EXTL3: variants seen among roughly 807,000 people sequenced by gnomAD.
EXTL3 encodes exostosin like glycosyltransferase 3.
EXTL3 carries 27 observed loss-of-function variants against 69.3 expected under a neutral mutation model. The observed-to-expected ratio is 0.39, with a 90% CI of 0.29 to 0.54. The LOEUF (loss-of-function observed/expected upper bound fraction) is 0.54. EXTL3 is among the 20% of genes least tolerant of loss of function. EXTL3 has a pLI of 0.69. For synonymous variants in EXTL3, 511 were observed against 499.4 expected, an observed-to-expected ratio of 1.02 and a Z score of -0.31; for missense variants, 1,003 against 1,231.8, an observed-to-expected ratio of 0.81 and a Z score of 2.78.
intron 1 of EXTL3, among the ~76,000 whole-genome samples, chr8:28,638,562 CCCAGTCCTTTTAG>C (rs1253140760): frequency 6.6e-6 from 1 of 152,154 alleles, no homozygotes; most frequent in African/African-American, 2.4e-5. Flanking sequence ...AGTCCTTTTA[CCCAGTCCTTTTAG>C]CAAACACAAG....
chr8:28,754,030 A>ATTCGTGTG lies in EXTL3; in HGVS notation c.*3165_*3166insTCGTGTGT, dbSNP rs1554489480. ...GTTAATTTTTTCATGGGAATTTAAAATGCGTGTGTGTGTGTGTGTGTGTGT... is the reference window on the plus strand; with the variant it reads ...GTTAATTTTTTCATGGGAATTTAAAATTCGTGTGTGCGTGTGTGTGTGTGTGTGTGTGT... On this transcript the variant is annotated 3_prime_UTR_variant, in exon 7 of 7. Coordinates refer to ENST00000220562, the MANE Select transcript of EXTL3 (RefSeq NM_001440.4). The ATTCGTGTG allele has an allele frequency of 1.0e-5, 1 of 96,174 alleles. No individual in the cohort carries two copies. The highest frequency in any genetic ancestry group is 5.6e-5 in the African/African-American group (1 of 18,006). The allele number at this position is 96,174 out of a possible 1,614,324, so 6.0% of individuals were successfully genotyped here.
At chr8:28,727,024 G>A (rs940770470) in intron 3 of EXTL3, among the ~76,000 whole-genome samples, 1 of 151,538 alleles carries the variant, frequency 6.6e-6, no homozygotes, top group Non-Finnish European at 1.5e-5. Flanking sequence ...GATTACAGGT[G>A]CCCTCCCCCA....
chr8:28,668,616 C>T (rs951563912), intron 1 of EXTL3, among the ~76,000 whole-genome samples: 7 of 151,946 alleles, frequency 4.6e-5, no homozygotes, highest in South Asian at 2.1e-4. Flanking sequence ...AGATTACAGG[C>T]GTGAGCCACT....
chr8:28,628,191 G>A (rs1409255358), intron 1 of EXTL3, among the ~76,000 whole-genome samples: 1 of 152,130 alleles, frequency 6.6e-6, no homozygotes, highest in Non-Finnish European at 1.5e-5. Context: ...GTGAAACCCC[G>A]TCTCTGCTAA....
intron 1 of EXTL3, among the ~76,000 whole-genome samples, chr8:28,662,149 T>C (rs1423184639): frequency 1.3e-5 from 2 of 152,160 alleles, no homozygotes; most frequent in East Asian, 3.8e-4. Flanking sequence ...TCATCGTGTT[T>C]GATTCCTGCC....
Position 28,717,816 on chromosome 8 carries a change from C to T in EXTL3, c.1757C>T (p.Ser586Leu), listed in dbSNP as rs1378180657. ...GTGGAGACGGAGCCGCCCTACGCCT[C>T]ACCCAGATACCTCCGCAATTTCACT... ...GPVETEPPYA[S>L]PRYLRNFTLT... is the part of the protein sequence containing the mutation. The change falls in exon 3 of 7, where the codon TCA (serine) becomes TTA (leucine). Residue 586 changes from serine (S) to leucine (L), a missense_variant. Around this residue, in one of 2 missense-constraint regions of EXTL3, gnomAD observed 742 missense variants for 815.4 expected, o/e 0.91. Transcript: ENST00000220562. The surrounding 1 kb of genome is among the most constrained non-coding windows in gnomAD (Gnocchi z 8.3). 1 of 1,611,986 alleles carries T rather than the reference C, an allele frequency of 6.2e-7. No homozygotes were observed. Among genetic ancestry groups the T allele is most frequent in the Admixed American group, 1.7e-5 (1 of 59,972 alleles).
chr8:28,621,672 A>G (rs1806410795), upstream of EXTL3, among the ~76,000 whole-genome samples: 1 of 152,236 alleles, frequency 6.6e-6, no homozygotes, highest in African/African-American at 2.4e-5. Flanking sequence ...GGAAAACTGA[A>G]ATATTGCAAT....
chr8:28,745,150 G>C (rs894158345), intron 6 of EXTL3, among the ~76,000 whole-genome samples: 1 of 152,128 alleles, frequency 6.6e-6, no homozygotes, highest in Non-Finnish European at 1.5e-5. Context: ...TGTGCCATGG[G>C]CGTGTCTGTG....
rs138006878 is a variant in EXTL3 at position 28,724,140 on chromosome 8, T to G, written c.2148+5933T>G. ...AAAATTAAAATAGAGACTGCTAATA[T>G]CATGTTATAATAATTGTTAACAGTT... On this transcript the variant is annotated intron_variant, in intron 3 of 6. Transcript: ENST00000220562. Among the ~76,000 whole-genome samples, 213 of 152,196 alleles carry G rather than the reference T, an allele frequency of 1.4e-3. 2 individuals carry two copies. The highest frequency in any genetic ancestry group is 5.0e-3 in the African/African-American group (208 of 41,508).
chr8:28,677,170 G>A (rs1319931068), intron 1 of EXTL3, among the ~76,000 whole-genome samples: 2 of 152,064 alleles, frequency 1.3e-5, no homozygotes, highest in African/African-American at 2.4e-5. Context: ...AGGGATTAGA[G>A]GAAAAAGAAA....
intron 2 of EXTL3, among the ~76,000 whole-genome samples, chr8:28,616,377 G>A (rs1305526354): frequency 6.6e-6 from 1 of 152,192 alleles, no homozygotes; most frequent in Non-Finnish European, 1.5e-5. Flanking sequence ...TGTAATCCCA[G>A]CACTTTGGGA....
chr8:28,748,580 G>C (rs946417854), intron 6 of EXTL3, among the ~76,000 whole-genome samples: 1 of 152,150 alleles, frequency 6.6e-6, no homozygotes, highest in African/African-American at 2.4e-5. Context: ...CACCATGGGG[G>C]GCTGCTCTCA....
chr8:28,705,795 C>G (rs1800909517), intron 1 of EXTL3, among the ~76,000 whole-genome samples: 2 of 152,216 alleles, frequency 1.3e-5, no homozygotes, highest in African/African-American at 4.8e-5. Flanking sequence ...ATCTGAAGAC[C>G]TTATTTGAAA....
At chr8:28,634,676 A>G (rs1376411920) in intron 1 of EXTL3, among the ~76,000 whole-genome samples, 1 of 149,222 alleles carries the variant, frequency 6.7e-6, no homozygotes, top group East Asian at 2.0e-4. Context: ...GCTCATTGCA[A>G]CCTCCACCCC....
intron 4 of EXTL3, among the ~76,000 whole-genome samples, chr8:28,734,601 A>G (rs976606570): frequency 6.6e-6 from 1 of 152,168 alleles, no homozygotes; most frequent in African/African-American, 2.4e-5. Flanking sequence ...AATCCCAGCT[A>G]CTCAGGAGGC....
intron 1 of EXTL3, among the ~76,000 whole-genome samples, chr8:28,703,631 G>A (rs1800859162): frequency 6.6e-6 from 1 of 152,070 alleles, no homozygotes; most frequent in Admixed American, 6.6e-5. Flanking sequence ...GGAGGAGGGT[G>A]GGAGGGATTC....
chr8:28,718,111 T>C lies in EXTL3; in HGVS notation c.2052T>C (p.Asn684=), dbSNP rs2130742460. ...EVLMNSLERL[N]GLPYLNKVVV... ...TTATGAACTCTTTAGAGAGGCTGAA[T>C]GGCCTCCCTTACCTGAACAAGGTCG... is the stretch of plus-strand genomic sequence containing the variant. Residue 684 remains asparagine (N), a synonymous_variant, in exon 3 of 7, where the codon AAT becomes AAC. Transcript: ENST00000220562. The C allele has an allele frequency of 2.5e-6, 4 of 1,614,118 alleles. No individual in the cohort carries two copies. In the South Asian group the frequency reaches 4.4e-5, roughly 18 times the overall value.
At chr8:28,705,540 A>G (rs1473563208) in intron 1 of EXTL3, among the ~76,000 whole-genome samples, 1 of 151,500 alleles carries the variant, frequency 6.6e-6, no homozygotes, top group African/African-American at 2.4e-5. Flanking sequence ...GCAACATTAT[A>G]GTAAGACCCT....
At chr8:28,741,774 TAAAAA>T (rs1044968702) in intron 5 of EXTL3, 3 of 150,512 alleles carry the variant, frequency 2.0e-5, no homozygotes, top group African/African-American at 7.3e-5. Flanking sequence ...ACCTTTTTGT[TAAAAA>T]AAAAATTACA....
Sources: gnomAD v4.1 joint callset for allele counts (sites outside exome capture counted in the v4.1 genomes callset) on GRCh38, gnomAD v4.1.1 for gene constraint, gnomAD v4.1.1 regional missense constraint, Gnocchi (gnomAD v3.1) non-coding constraint, MANE v1.5 for transcripts, NCBI Gene and HGNC (gene_info 2026-07-23, HGNC 2026-07-21) for gene names.